Variants in PPP2R3B observed in about 807,000 individuals in gnomAD.
The protein encoded by PPP2R3B is serine/threonine-protein phosphatase 2A regulatory subunit B'' subunit beta.
PPP2R3B carries 68 observed loss-of-function variants against 72.9 expected under a neutral mutation model. The ratio of observed to expected loss-of-function variants is 0.93; its 90% CI spans 0.77 to 1.14. The LOEUF (loss-of-function observed/expected upper bound fraction) is 1.14. Among genes scored for constraint, PPP2R3B ranks in the 50% most tolerant of loss-of-function variants. The pLI, the probability that PPP2R3B is intolerant of heterozygous loss-of-function variation, is 0.00. For missense variants in PPP2R3B, 1,018 were observed against 842.0 expected, an observed-to-expected ratio of 1.21 and a Z score of -2.59; for synonymous variants, 466 against 375.8, an observed-to-expected ratio of 1.24 and a Z score of -2.78.
chrX:355,572 G>A (rs747948619), intron 2 of PPP2R3B, among the ~76,000 whole-genome samples: 1 of 152,310 alleles, frequency 6.6e-6, no homozygotes, highest in Admixed American at 6.5e-5. Context: ...AAGTGGAACT[G>A]CACGCGCACA....
chrX:349,058 C>T (rs2071278128), intron 2 of PPP2R3B, among the ~76,000 whole-genome samples: 1 of 151,758 alleles, frequency 6.6e-6, no homozygotes, highest in Admixed American at 6.6e-5. Context: ...AATAATAGAC[C>T]AGGAAACCAG....
chrX:372,165 G>C (rs1168569308), intron 1 of PPP2R3B, among the ~76,000 whole-genome samples: 4 of 152,124 alleles, frequency 2.6e-5, no homozygotes, highest in Non-Finnish European at 4.4e-5. Context: ...AATCCCGCAC[G>C]AGGCTGATCT....
chrX:338,454 C>G, intron 12 of PPP2R3B, 150 bp downstream of exon 12: 1 of 772,376 alleles, frequency 1.3e-6, no homozygotes, highest in Non-Finnish European at 2.1e-6. Context: ...CGTGTCAGGT[C>G]TCACCCCGCC....
chrX:378,750 GT>G (rs747484927), intron 1 of PPP2R3B, among the ~76,000 whole-genome samples: 3 of 152,018 alleles, frequency 2.0e-5, no homozygotes, highest in South Asian at 4.2e-4. Flanking sequence ...TGCAAGAAGG[GT>G]TTTCGACACC....
At chrX:345,985 G>A (rs1264170025) in intron 6 of PPP2R3B, among the ~76,000 whole-genome samples, 189 bp downstream of exon 6, 4 of 143,444 alleles carry the variant, frequency 2.8e-5, no homozygotes, top group South Asian at 4.6e-4. Context: ...ACCCCCAACC[G>A]CAGGCGGCGG....
intron 1 of PPP2R3B, among the ~76,000 whole-genome samples, chrX:383,771 G>C (rs1192695193): frequency 7.2e-6 from 1 of 139,576 alleles, no homozygotes; most frequent in African/African-American, 2.6e-5. Context: ...CCGGGAGGCG[G>C]AGCTTGCAGT....
chrX:355,250 C>T (rs548209664), intron 2 of PPP2R3B, among the ~76,000 whole-genome samples: 2 of 152,154 alleles, frequency 1.3e-5, no homozygotes, highest in Non-Finnish European at 2.9e-5. Flanking sequence ...TAAAAAAATA[C>T]CACGTACAGT....
At chrX:382,070 T>G (rs1037883704) in intron 1 of PPP2R3B, among the ~76,000 whole-genome samples, 1 of 152,182 alleles carries the variant, frequency 6.6e-6, no homozygotes, top group East Asian at 1.9e-4. Flanking sequence ...ATCTCCTAAG[T>G]GCAGAATCCT....
intron 1 of PPP2R3B, among the ~76,000 whole-genome samples, chrX:371,779 G>A (rs1471641741): frequency 6.6e-6 from 1 of 152,028 alleles, no homozygotes; most frequent in African/African-American, 2.4e-5. Context: ...TGCGCGGAGT[G>A]AAAGCAGCCA....
At chrX:344,575 G>A (rs185536924) in intron 7 of PPP2R3B, among the ~76,000 whole-genome samples, 1 of 152,356 alleles carries the variant, frequency 6.6e-6, no homozygotes, top group East Asian at 1.9e-4. Context: ...GCGCCGGGCC[G>A]GGGGTTCACA....
rs889620628 is a variant in PPP2R3B, at chrX:333,976, G to A, written c.*391C>T. 30 of 183,606 alleles carry A rather than the reference G, an allele frequency of 1.6e-4. 1 individual carries two copies. The highest frequency in any genetic ancestry group is 2.1e-3 in the Middle Eastern group (1 of 468). 11.4% of individuals were successfully genotyped at this position (183,606 alleles called of 1,614,324 possible). ...GTGATCGCCAGAAACGGTTTTGTAC[G>A]TTTACACAAAACATTCACACAGCCT... On this transcript the variant is annotated 3_prime_UTR_variant, in exon 13 of 13. Coordinates refer to ENST00000390665, the MANE Select transcript of PPP2R3B (RefSeq NM_013239.5).
At chrX:378,127 T>C (rs1308360601) in intron 1 of PPP2R3B, among the ~76,000 whole-genome samples, 3 of 152,214 alleles carry the variant, frequency 2.0e-5, no homozygotes, top group Non-Finnish European at 4.4e-5. Context: ...GCACGGAATC[T>C]GCGAGGCCTG....
chrX:340,787 G>T lies in PPP2R3B; in HGVS notation c.1329C>A (p.Asp443Glu). 1 of 1,605,826 alleles carries T rather than the reference G, an allele frequency of 6.2e-7. No individual in the cohort carries two copies. Among genetic ancestry groups the T allele is most frequent in the South Asian group, 1.1e-5 (1 of 90,862 alleles). The change falls in exon 10 of 13, where the codon GAC becomes GAA. Residue 443 changes from aspartate (D) to glutamate (E), a missense_variant. Asp to Glu is a conservative substitution (Grantham distance 45). Transcript: ENST00000390665. The stretch of plus-strand genomic sequence containing the variant: ...CACCTTCAGTCCTCGGCTTGACCAG[G>T]TCCAGCATCTGGCAGAGGCAGTCCT... The part of the protein sequence containing the change: ...PFQDCLCQML[D>E]LVKPRTEGKI...
chrX:334,173 G>A lies in PPP2R3B; in HGVS notation c.*194C>T, dbSNP rs999623099. ...GTCCCATTCACGCGCGGCCCTACGT[G>A]TCCCCCTGGCACAGAGCTCTGGGCA... On this transcript the variant is annotated 3_prime_UTR_variant, in exon 13 of 13. Transcript: ENST00000390665. 10 of 568,590 alleles carry A rather than the reference G, an allele frequency of 1.8e-5. No homozygotes were observed. Among genetic ancestry groups the A allele is most frequent in the African/African-American group, 1.6e-4 (8 of 49,868 alleles). The allele number at this position is 568,590 out of a possible 1,614,324, so 35.2% of individuals were successfully genotyped here.
rs771354470 is a variant in PPP2R3B, at chrX:344,062, G to C, written c.1036+1454C>G. Among the ~76,000 whole-genome samples, 243 of 59,114 alleles carry C rather than the reference G, an allele frequency of 4.1e-3. 1 individual carries two copies. The highest frequency in any genetic ancestry group is 0.017 in the African/African-American group (210 of 12,316). 38.8% of individuals were successfully genotyped at this position (59,114 alleles called of 152,430 possible). A position where few individuals can be genotyped will look rare whatever the true frequency, so the allele number is the denominator to read the frequency against. ...CGCCAACGGGAGGCGGGAGGGAGAC[G>C]TCGCCAACGGGAGGCGGGAGGGAGA... On this transcript the variant is annotated intron_variant, in intron 7 of 12. Coordinates refer to ENST00000390665, the MANE Select transcript of PPP2R3B (RefSeq NM_013239.5).
intron 1 of PPP2R3B, among the ~76,000 whole-genome samples, chrX:379,500 C>T (rs945963347): frequency 3.9e-5 from 6 of 152,172 alleles, no homozygotes; most frequent in South Asian, 2.1e-4. Flanking sequence ...GTGATGCACA[C>T]GCACGCCCGT....
intron 2 of PPP2R3B, among the ~76,000 whole-genome samples, chrX:352,282 T>C (rs1256176650): frequency 6.6e-6 from 1 of 152,194 alleles, no homozygotes; most frequent in Non-Finnish European, 1.5e-5. Flanking sequence ...ACCGACTCCT[T>C]GTGGGGCCCG....
chrX:344,670 G>C (rs2071158396), intron 7 of PPP2R3B, among the ~76,000 whole-genome samples: 2 of 152,242 alleles, frequency 1.3e-5, no homozygotes, highest in South Asian at 4.1e-4. Context: ...GTGGAGCTGT[G>C]CTCTCCTCGT....
chrX:382,087 T>A (rs1345983392), intron 1 of PPP2R3B, among the ~76,000 whole-genome samples: 1 of 152,150 alleles, frequency 6.6e-6, no homozygotes, highest in Non-Finnish European at 1.5e-5. Context: ...TCCTGCACCC[T>A]GCACACCCTG....
Sources: allele counts gnomAD v4.1 joint callset (sites outside exome capture counted in the v4.1 genomes callset), GRCh38; gene constraint gnomAD v4.1.1; transcripts MANE v1.5; gene names NCBI Gene and HGNC (gene_info 2026-07-23, HGNC 2026-07-21).